The following AKAP9 variants were observed in gnomAD, a reference collection of about 807,000 sequenced individuals.
AKAP9 encodes the protein A-kinase anchoring protein 9, also known as A-kinase anchor protein 9.
AKAP9 carries 311 observed loss-of-function variants against 488.5 expected under a neutral mutation model. That is an observed-to-expected ratio of 0.64 (90% CI 0.58 to 0.70). The LOEUF is 0.70. Among genes scored for constraint, AKAP9 ranks in the 30% least tolerant of loss-of-function variants. The probability of loss-of-function intolerance (pLI) is 0.00; values close to 1 mark genes in which losing one functional copy is unlikely to be tolerated. For synonymous variants in AKAP9, 1,462 were observed against 1,483.5 expected (o/e 0.99, Z 0.33); for missense variants, 4,215 against 4,374.5 (o/e 0.96, Z 1.03).
Position 91,940,894 on chromosome 7 carries a change from G to GCGGCGGTGA in AKAP9, c.-200_-192dup, listed in dbSNP as rs1790656527. The GCGGCGGTGA allele has an allele frequency of 9.7e-6, 6 of 615,526 alleles. No homozygotes were observed. Among genetic ancestry groups the GCGGCGGTGA allele is most frequent in the South Asian group, 9.3e-5 (5 of 53,640 alleles). 38.1% of individuals were successfully genotyped at this position (615,526 alleles called of 1,614,324 possible). A position where few individuals can be genotyped will look rare whatever the true frequency, so the allele number is the denominator to read the frequency against. On this transcript the variant is annotated 5_prime_UTR_variant, in exon 1 of 50. Coordinates refer to ENST00000356239, the MANE Select transcript of AKAP9 (RefSeq NM_005751.5). ...CGTGGAGACGAAGATGGCGGCGGCG[G>GCGGCGGTGA]CGGCGGTGACGGCGCTTCCCGTGCG...
intron 8 of AKAP9, among the ~76,000 whole-genome samples, chr7:92,003,710 GA>G (rs959405247): frequency 6.0e-5 from 9 of 149,396 alleles, no homozygotes; most frequent in Non-Finnish European, 7.4e-5. Flanking sequence ...TTTCCTGGGA[GA>G]AAAAAAAACC....
intron 28 of AKAP9, among the ~76,000 whole-genome samples, chr7:92,072,353 G>T (rs1471910193): frequency 1.3e-5 from 2 of 152,126 alleles, no homozygotes; most frequent in Non-Finnish European, 2.9e-5. Context: ...TAAACTGACA[G>T]CTGACCCTAA....
intron 2 of AKAP9, 86 bp from the exon 3 acceptor site, chr7:91,980,203 T>C: frequency 1.3e-6 from 1 of 760,318 alleles, no homozygotes; most frequent in Non-Finnish European, 2.2e-6. Context: ...TTTTCTATCA[T>C]ATGTTACCAA....
chr7:91,971,804 C>T (rs577905090), intron 1 of AKAP9, among the ~76,000 whole-genome samples: 3 of 151,466 alleles, frequency 2.0e-5, no homozygotes, highest in Non-Finnish European at 4.4e-5. Flanking sequence ...CTCCTGACCT[C>T]GTGATCCTCC....
rs2130901090 is a variant in AKAP9, at chr7:92,096,917, C to T, written c.9958C>T (p.Arg3320Trp). ...REMSSTLDRERELHAQLQSSD... is the reference protein window; with the variant it reads ...REMSSTLDREWELHAQLQSSD... ...AATGAGTAGTACCCTAGATAGGGAG[C>T]GGGAATTGCACGCACAGCTGCAGAG... Residue 3320 changes from arginine (R) to tryptophan (W), a missense_variant, in exon 41 of 50, where the codon CGG (arginine) becomes TGG (tryptophan). By Grantham distance (101) the Arg-to-Trp change is moderately radical (BLOSUM62 -3). Around this residue, in one of 5 missense-constraint regions of AKAP9, gnomAD observed 1,476 missense variants for 1,477.4 expected, o/e 1.00. Transcript: ENST00000356239. 1.9e-6 allele frequency: 3 copies of T among 1,614,126 alleles called. No individual in the cohort carries two copies. Among genetic ancestry groups the T allele is most frequent in the Non-Finnish European group, 1.7e-6 (2 of 1,180,032 alleles).
At chr7:92,077,281 T>C (rs1296050418) in intron 29 of AKAP9, among the ~76,000 whole-genome samples, 1 of 151,626 alleles carries the variant, frequency 6.6e-6, no homozygotes, top group African/African-American at 2.4e-5. Flanking sequence ...TTAGTAGAGA[T>C]GGGGTTTCAC....
intron 7 of AKAP9, among the ~76,000 whole-genome samples, chr7:91,996,819 A>G (rs1461062862): frequency 6.6e-6 from 1 of 152,234 alleles, no homozygotes; most frequent in African/African-American, 2.4e-5. Flanking sequence ...TGCTTGGATG[A>G]TAATAATAAT....
intron 22 of AKAP9, among the ~76,000 whole-genome samples, chr7:92,056,188 CTCTTA>C (rs1808764125): frequency 2.0e-5 from 3 of 151,850 alleles, no homozygotes; most frequent in Admixed American, 6.6e-5. Flanking sequence ...TAATTTTTCT[CTCTTA>C]TCTTTGTAGT....
Position 91,940,938 on chromosome 7 carries a change from G to C in AKAP9, c.-162G>C, listed in dbSNP as rs1257178522. The C allele has an allele frequency of 2.6e-6, 2 of 766,044 alleles. No individual in the cohort carries two copies. The highest frequency in any genetic ancestry group is 1.7e-5 in the African/African-American group (1 of 58,130). 47.5% of individuals were successfully genotyped at this position (766,044 alleles called of 1,614,324 possible). On this transcript the variant is annotated 5_prime_UTR_variant, in exon 1 of 50. Transcript: ENST00000356239. ...CCGTGCGGCTGAGGACGATCCGCCA[G>C]TGAGCGCGGAGACTGCTTCCACTTC...
chr7:92,077,930 C>A (rs1812880314), intron 30 of AKAP9, 55 bp downstream of exon 30: 3 of 1,330,900 alleles, frequency 2.3e-6, no homozygotes, highest in Non-Finnish European at 3.2e-6. Context: ...TTTTAAAGGG[C>A]AAAATGGTTA....
chr7:92,093,466 CTAAA>C (rs1815997255), intron 39 of AKAP9, 150 bp downstream of exon 39: 10 of 714,988 alleles, frequency 1.4e-5, no homozygotes, highest in Non-Finnish European at 2.4e-5. Flanking sequence ...AGAAAAAACT[CTAAA>C]TGTTTCCAAA....
At chr7:91,964,610 TAGAAAG>T (rs1794195494) in intron 1 of AKAP9, among the ~76,000 whole-genome samples, 1 of 152,082 alleles carries the variant, frequency 6.6e-6, no homozygotes, top group African/African-American at 2.4e-5. Flanking sequence ...AATAAAAAAA[TAGAAAG>T]AGAAAAACAT....
chr7:92,005,518 T>C (rs1269368787), intron 8 of AKAP9, among the ~76,000 whole-genome samples: 1 of 152,184 alleles, frequency 6.6e-6, no homozygotes, highest in African/African-American at 2.4e-5. Context: ...TTGGAAAGTT[T>C]TCTCTTTTTA....
intron 17 of AKAP9, among the ~76,000 whole-genome samples, chr7:92,040,128 A>C (rs1413295017): frequency 6.6e-6 from 1 of 152,236 alleles, no homozygotes; most frequent in Non-Finnish European, 1.5e-5. Context: ...GAACATATTA[A>C]GGAGTTGACT....
chr7:92,070,008 T>C, intron 26 of AKAP9, 22 bp from the exon 27 acceptor site: 1 of 1,604,764 alleles, frequency 6.2e-7, no homozygotes, highest in East Asian at 2.2e-5. Flanking sequence ...TTAAATTAAA[T>C]TTTTTGCCTC....
chr7:92,069,140 C>CCTAA (rs1425714428), intron 26 of AKAP9, among the ~76,000 whole-genome samples: 1 of 152,182 alleles, frequency 6.6e-6, no homozygotes, highest in Non-Finnish European at 1.5e-5. Flanking sequence ...TTAGCTCTTT[C>CCTAA]CTGGGCTGAT....
intron 31 of AKAP9, among the ~76,000 whole-genome samples, chr7:92,081,495 A>T (rs13240345): frequency 0.38 from 37,924 of 99,108 alleles, 6,432 homozygotes; most frequent in African/African-American, 0.47. Flanking sequence ...ATATATATAT[A>T]TATTTTTTTT....
chr7:92,033,461 T>G (rs1311160013), intron 16 of AKAP9, among the ~76,000 whole-genome samples: 2 of 149,584 alleles, frequency 1.3e-5, no homozygotes, highest in African/African-American at 4.9e-5. Context: ...TTTTTTTTTT[T>G]TTGAGACAGG....
chr7:91,982,456 A>G (rs1472373212), intron 3 of AKAP9, among the ~76,000 whole-genome samples: 1 of 151,706 alleles, frequency 6.6e-6, no homozygotes, highest in East Asian at 1.9e-4. Context: ...GTTTTCTGTC[A>G]TTGTGATAGT....
Sources: gnomAD v4.1 joint callset for allele counts (sites outside exome capture counted in the v4.1 genomes callset) on GRCh38, gnomAD v4.1.1 for gene constraint, gnomAD v4.1.1 regional missense constraint, MANE v1.5 for transcripts, NCBI Gene and HGNC (gene_info 2026-07-23, HGNC 2026-07-21) for gene names.